Variants in BANP observed in about 807,000 individuals in gnomAD.
BANP encodes the protein BTG3 associated nuclear protein.
A neutral mutation model predicts 68.1 loss-of-function variants in BANP; 11 were observed. The ratio of observed to expected loss-of-function variants is 0.16; its 90% CI spans 0.10 to 0.27. The LOEUF (loss-of-function observed/expected upper bound fraction) is 0.27. Among genes scored for constraint, BANP ranks in the 10% least tolerant of loss-of-function variants. BANP has a pLI of 1.00. For missense variants in BANP, 504 were observed against 722.7 expected (o/e 0.70, Z 3.47); for synonymous variants, 329 against 303.2 (o/e 1.09, Z -0.88).
At chr16:88,074,440 G>T (rs1410972028) in intron 13 of BANP, among the ~76,000 whole-genome samples, 1 of 152,104 alleles carries the variant, frequency 6.6e-6, no homozygotes, top group Non-Finnish European at 1.5e-5. Flanking sequence ...GGGTAGGGGG[G>T]TGCCATTTGC....
chr16:87,975,588 G>C (rs2061909235), intron 2 of BANP, among the ~76,000 whole-genome samples: 1 of 136,932 alleles, frequency 7.3e-6, no homozygotes, highest in South Asian at 2.3e-4. Context: ...CGGCGTCATG[G>C]AACCTTACCA....
chr16:88,046,144 T>G (rs563433954), intron 11 of BANP, among the ~76,000 whole-genome samples: 8 of 152,376 alleles, frequency 5.3e-5, no homozygotes, highest in South Asian at 2.1e-4. Context: ...GAGGAGTAAC[T>G]CATTTGAGTG....
chr16:88,039,792 C>G (rs2080290034), intron 11 of BANP, among the ~76,000 whole-genome samples: 2 of 144,626 alleles, frequency 1.4e-5, no homozygotes, highest in African/African-American at 4.9e-5. Flanking sequence ...GAACAAGACT[C>G]TGTTCTGGTG....
Position 88,010,818 on chromosome 16 carries a change from G to A in BANP, c.655+4553G>A, listed in dbSNP as rs142405866. ...CCTCGCAGTCCATGGAATGCCATTCGTGCACGTGGAAAGGAGAACGTGTAG... is the reference window on the plus strand; with the variant it reads ...CCTCGCAGTCCATGGAATGCCATTCATGCACGTGGAAAGGAGAACGTGTAG... On this transcript the variant is annotated intron_variant, in intron 6 of 13. Transcript: ENST00000682872. 1.3e-3 allele frequency among the ~76,000 whole-genome samples: 195 copies of A among 151,860 alleles called. 5 individuals are homozygous for A. In the East Asian group the frequency reaches 0.028, roughly 22 times the overall value.
chr16:88,066,579 C>A (rs1262971553), intron 12 of BANP, among the ~76,000 whole-genome samples: 2 of 152,200 alleles, frequency 1.3e-5, no homozygotes, highest in African/African-American at 4.8e-5. Context: ...TTCAGCTGAG[C>A]TGTGTTGTTC....
rs369504092 is a variant in BANP at position 88,035,358 on chromosome 16, G to A, written c.1236G>A (p.Pro412=). 9.2e-5 allele frequency: 149 copies of A among 1,611,336 alleles called. 1 individual carries two copies. Among genetic ancestry groups the A allele is most frequent in the African/African-American group, 2.3e-4 (17 of 74,880 alleles). ...PQGHLHIAQV[P]QGEQVQITQD... ...GACACCTCCACATCGCCCAGGTGCC[G>A]CAGGGGGAGCAAGTCCAGATCACGC... The change falls in exon 10 of 14, where the codon CCG becomes CCA. Residue 412 remains proline (P), a synonymous_variant. Transcript: ENST00000682872.
chr16:88,015,152 G>C lies in BANP; in HGVS notation c.656-3276G>C, dbSNP rs909168071. On this transcript the variant is annotated intron_variant, in intron 6 of 13. Coordinates refer to ENST00000682872, the MANE Select transcript of BANP (RefSeq NM_001386991.1). The stretch of plus-strand genomic sequence containing the variant: ...CCCTCTGCCTGTGCTCCCTTAGCTC[G>C]TGCCCTCTGCCCGTCCCCTCTGCCT... Among the ~76,000 whole-genome samples the C allele has an allele frequency of 1.4e-3, 182 of 131,030 alleles. 1 individual carries two copies. The highest frequency in any genetic ancestry group is 2.3e-3 in the Non-Finnish European group (147 of 62,562). 86.0% of individuals were successfully genotyped at this position (131,030 alleles called of 152,430 possible).
Position 87,957,579 on chromosome 16 carries a change from T to C in BANP, c.-69+6064T>C, listed in dbSNP as rs2058342351. 6.6e-6 allele frequency among the ~76,000 whole-genome samples: 1 copy of C among 152,240 alleles called. No homozygotes were observed. Among genetic ancestry groups the C allele is most frequent in the South Asian group, 2.1e-4 (1 of 4,832 alleles). ...CGCTAGTGACCAGTTACCTTCTGTG[T>C]CTGAGAGAAGGCCGTTGTGGCCTGT... On this transcript the variant is annotated intron_variant, in intron 1 of 13. Coordinates refer to ENST00000682872, the MANE Select transcript of BANP (RefSeq NM_001386991.1). This position sits in a 1 kb window ranked among gnomAD's most constrained non-coding sequence, Gnocchi z 4.3.
At chr16:88,041,499 T>C (rs1446435140) in intron 11 of BANP, among the ~76,000 whole-genome samples, 4 of 152,240 alleles carry the variant, frequency 2.6e-5, no homozygotes, top group African/African-American at 9.6e-5. Flanking sequence ...GTAGAAAATA[T>C]GAAGAATCGC....
At chr16:88,044,872 C>T (rs551708778) in intron 11 of BANP, among the ~76,000 whole-genome samples, 2 of 152,164 alleles carry the variant, frequency 1.3e-5, no homozygotes, top group South Asian at 2.1e-4. Context: ...GTCTCAGCTA[C>T]TCGGGAGGCT....
chr16:87,965,984 C>T (rs1222818033), intron 1 of BANP, among the ~76,000 whole-genome samples: 3 of 152,178 alleles, frequency 2.0e-5, no homozygotes, highest in Non-Finnish European at 2.9e-5. Context: ...CCCCAACTGT[C>T]TTGGATGTGT....
chr16:87,997,151 G>A (rs563152561), intron 4 of BANP, among the ~76,000 whole-genome samples: 1 of 152,324 alleles, frequency 6.6e-6, no homozygotes, highest in African/African-American at 2.4e-5. Context: ...TAGAAATGGG[G>A]TCTCACTGTG....
chr16:88,011,478 C>T (rs1567745214), intron 6 of BANP, among the ~76,000 whole-genome samples: 1 of 152,176 alleles, frequency 6.6e-6, no homozygotes, highest in Non-Finnish European at 1.5e-5. Context: ...TTATTTTTCA[C>T]TTTAAGAAAT....
chr16:87,963,975 G>C (rs2059618737), intron 1 of BANP, among the ~76,000 whole-genome samples: 1 of 152,216 alleles, frequency 6.6e-6, no homozygotes, highest in African/African-American at 2.4e-5. Flanking sequence ...TACTTTTGCA[G>C]CTGTCCGTTT....
chr16:88,033,556 C>G (rs914381947), intron 9 of BANP, among the ~76,000 whole-genome samples: 34 of 152,242 alleles, frequency 2.2e-4, no homozygotes, highest in African/African-American at 7.5e-4. Context: ...GCGGTGGTCC[C>G]TGCCCCAGCT....
chr16:88,035,087 C>A (rs1267635783), intron 9 of BANP: 2 of 521,996 alleles, frequency 3.8e-6, no homozygotes, highest in Non-Finnish European at 7.0e-6. Context: ...CAGTTTCTGG[C>A]GTCCACGTGG....
At chr16:87,966,624 G>A (rs1377368211) in intron 1 of BANP, 1 of 152,200 alleles carries the variant, frequency 6.6e-6, no homozygotes. Flanking sequence ...GGATTTTATG[G>A]TGAGTTCAGA....
At chr16:88,034,550 C>T (rs1236016694) in intron 9 of BANP, among the ~76,000 whole-genome samples, 2 of 152,100 alleles carry the variant, frequency 1.3e-5, no homozygotes, top group Non-Finnish European at 1.5e-5. Flanking sequence ...ATTTGAAAAA[C>T]GTTGCCTGCC....
At chr16:88,055,317 G>A (rs1314173960) in intron 11 of BANP, among the ~76,000 whole-genome samples, 1 of 151,566 alleles carries the variant, frequency 6.6e-6, no homozygotes, top group South Asian at 2.1e-4. Flanking sequence ...GATTGAATAT[G>A]TGTACGTACA....
Sources: gnomAD v4.1 joint callset for allele counts (sites outside exome capture counted in the v4.1 genomes callset) on GRCh38, gnomAD v4.1.1 for gene constraint, Gnocchi (gnomAD v3.1) non-coding constraint, MANE v1.5 for transcripts, NCBI Gene and HGNC (gene_info 2026-07-23, HGNC 2026-07-21) for gene names.